The following GAS5 variants were observed in gnomAD, a reference collection of about 807,000 sequenced individuals.
GAS5 encodes growth arrest specific 5.
intron 2 of GAS5, chr1:173,866,634 T>C (rs752304300): frequency 1.3e-6 from 1 of 764,204 alleles, no homozygotes; most frequent in East Asian, 2.4e-5. Flanking sequence ...CCATTTTGGG[T>C]GCCTCAGTTA....
At position 173,864,944 on chromosome 1, in the gene GAS5, C is replaced by A. The variant is rs773793034; in HGVS notation, n.276+527G>T. 5.8e-6 allele frequency: 3 copies of A among 514,614 alleles called. No individual in the cohort carries two copies. The Admixed American group carries it at 5.8e-5, about 10-fold the overall frequency. 31.9% of individuals were successfully genotyped at this position (514,614 alleles called of 1,614,324 possible). On this transcript the variant is annotated intron_variant and non_coding_transcript_variant, in intron 6 of 7. Coordinates refer to ENST00000651080, the Ensembl canonical transcript of GAS5. ...CTTAAAAACCAGACTTGAGGCGGGG[C>A]ATGGTGGCTCACGCCTGTAATCCCA...
chr1:173,866,923 TA>T (rs764897254), intron 1 of GAS5: 1 of 765,366 alleles, frequency 1.3e-6, no homozygotes, highest in African/African-American at 1.7e-5. Context: ...CCACTACTCT[TA>T]AAGCATCACA....
chr1:173,866,836 A>G, intron 1 of GAS5: 1 of 765,498 alleles, frequency 1.3e-6, no homozygotes, highest in Non-Finnish European at 2.4e-6. Context: ...GTGAGAATGA[A>G]CCTCACAGCA....
intron 1 of GAS5, chr1:173,866,885 A>G: frequency 1.3e-6 from 1 of 765,536 alleles, no homozygotes; most frequent in Non-Finnish European, 2.4e-6. Flanking sequence ...TTAAAGCCTC[A>G]GAATAGAATT....
intron 6 of GAS5, chr1:173,865,309 ATAGG>A (rs1457747184): frequency 4.3e-6 from 2 of 461,834 alleles, no homozygotes; most frequent in African/African-American, 4.0e-5. Context: ...TCCTTTACCA[ATAGG>A]TAGTAATAGG....
intron 2 of GAS5, chr1:173,866,724 G>A (rs375801049): frequency 1.3e-6 from 1 of 765,398 alleles, no homozygotes. Flanking sequence ...CACATCCAAT[G>A]GCTTTAAACC....
chr1:173,866,572 G>A (rs1169067953), intron 2 of GAS5: 2 of 757,828 alleles, frequency 2.6e-6, no homozygotes, highest in Admixed American at 3.4e-5. Flanking sequence ...TAGGACCTGG[G>A]AAGAAACAAC....
upstream of GAS5, chr1:173,867,594 G>C (rs1654971613): frequency 1.9e-6 from 1 of 515,758 alleles, no homozygotes; most frequent in Admixed American, 1.9e-5. Context: ...ACCACCGACA[G>C]CCTTTCATGA....
upstream of GAS5, chr1:173,867,256 C>A (rs1286556037): frequency 1.9e-6 from 1 of 514,124 alleles, no homozygotes; most frequent in Non-Finnish European, 3.4e-6. Flanking sequence ...CGGTGGCTCA[C>A]GGCTTGTAAT....
chr1:173,867,531 C>T, upstream of GAS5: 1 of 409,288 alleles, frequency 2.4e-6, no homozygotes, highest in South Asian at 1.7e-5. Context: ...AAAAGAAACA[C>T]TAATGGAAAT....
At chr1:173,866,834 G>T in intron 1 of GAS5, 1 of 765,438 alleles carries the variant, frequency 1.3e-6, no homozygotes, top group South Asian at 1.3e-5. Context: ...CAGTGAGAAT[G>T]AACCTCACAG....
At chr1:173,867,035 G>C in exon 1 of GAS5, 1 of 753,760 alleles carries the variant, frequency 1.3e-6, no homozygotes, top group Non-Finnish European at 2.4e-6. Context: ...TCTGCACCCA[G>C]CACCATACCT....
upstream of GAS5, chr1:173,868,171 G>A: frequency 1.3e-5 from 2 of 158,836 alleles, no homozygotes; most frequent in South Asian, 3.1e-4. Context: ...GCCATTGTGG[G>A]CAGAGACATG....
At chr1:173,864,406 T>C in intron 6 of GAS5, 1 of 519,096 alleles carries the variant, frequency 1.9e-6, no homozygotes, top group South Asian at 1.4e-5. Context: ...TACAGTGATA[T>C]CATTATATTT....
chr1:173,866,648 T>C lies in GAS5; in HGVS notation n.92-81A>G, dbSNP rs370549607. ...ACCATTTTGGGTGCCTCAGTTAAGA[T>C]AATGGTGGTTAAGATCCTCATCATT... is the stretch of plus-strand genomic sequence containing the variant. On this transcript the variant is annotated intron_variant and non_coding_transcript_variant, in intron 2 of 7. Coordinates refer to ENST00000651080, the Ensembl canonical transcript of GAS5. The C allele has an allele frequency of 1.0e-5, 8 of 764,326 alleles. No homozygotes were observed. The African/African-American group carries it at 1.4e-4, about 13-fold the overall frequency. The allele number at this position is 764,326 out of a possible 1,614,324, so 47.3% of individuals were successfully genotyped here.
intron 6 of GAS5, chr1:173,865,176 A>G (rs1216461265): frequency 3.0e-6 from 1 of 337,304 alleles, no homozygotes; most frequent in Non-Finnish European, 5.7e-6. Context: ...CATTCTGGGC[A>G]AGAGCTAGAC....
intron 2 of GAS5, chr1:173,866,568 C>G (rs112023202): frequency 7.9e-6 from 6 of 755,892 alleles, no homozygotes; most frequent in Non-Finnish European, 9.7e-6. Flanking sequence ...TCTTTAGGAC[C>G]TGGGAAGAAA....
chr1:173,867,809 G>A (rs917408897), upstream of GAS5: 1 of 517,546 alleles, frequency 1.9e-6, no homozygotes, highest in Non-Finnish European at 3.9e-6. Flanking sequence ...GGTCACGCAT[G>A]CACCATATGT....
intron 6 of GAS5, chr1:173,864,622 T>C (rs578082597): frequency 6.2e-4 from 235 of 380,768 alleles, no homozygotes; most frequent in Non-Finnish European, 6.8e-4. Flanking sequence ...AAGGTGTATA[T>C]GCCACCAAAA....
Sources: allele counts gnomAD v4.1 joint callset, GRCh38; gene constraint gnomAD v4.1.1; transcripts MANE v1.5; gene names NCBI Gene and HGNC (gene_info 2026-07-23, HGNC 2026-07-21).